The following PCDH7 variants were observed in gnomAD, a reference collection of about 807,000 sequenced individuals.
The protein encoded by PCDH7 is protocadherin 7.
PCDH7 carries 17 observed loss-of-function variants against 58.9 expected under a neutral mutation model. That is an observed-to-expected ratio of 0.29 (90% CI 0.20 to 0.43). The LOEUF (loss-of-function observed/expected upper bound fraction) is 0.43. Ranked by LOEUF, PCDH7 falls within the 20% of genes least tolerant of loss-of-function variation. The pLI is 1.00. For missense variants in PCDH7, 1,274 were observed against 1,441.0 expected (o/e 0.88, Z 1.88); for synonymous variants, 664 against 616.4 (o/e 1.08, Z -1.14).
chr4:31,108,735 AT>A (rs796357070), intron 3 of PCDH7, among the ~76,000 whole-genome samples: 1,775 of 150,542 alleles, frequency 0.012, 28 homozygotes, highest in African/African-American at 0.036. Flanking sequence ...GGATCAATTC[AT>A]TTTTTTTTTC....
chr4:30,903,342 A>G (rs1740477522), intron 1 of PCDH7, among the ~76,000 whole-genome samples: 2 of 152,152 alleles, frequency 1.3e-5, no homozygotes, highest in Admixed American at 6.6e-5. Context: ...TCAGGATTCA[A>G]TAACTCTCTC....
rs115079477 is a variant in PCDH7, at chr4:30,811,126, G to A, written c.70+86530G>A. Among the ~76,000 whole-genome samples, 498 of 152,250 alleles carry A rather than the reference G, an allele frequency of 3.3e-3. 3 individuals are homozygous for A. Among genetic ancestry groups the A allele is most frequent in the African/African-American group, 0.011 (472 of 41,544 alleles). On this transcript the variant is annotated intron_variant, in intron 1 of 3. Coordinates refer to the PCDH7 transcript ENST00000509759. ...TGAGGCTCAGACAACTGGATAACCT[G>A]AATGACAGCCAGAAGCTTCAAACAT... is the stretch of plus-strand genomic sequence containing the variant.
intron 3 of PCDH7, among the ~76,000 whole-genome samples, chr4:31,041,130 T>C (rs1181609254): frequency 6.6e-6 from 1 of 152,204 alleles, no homozygotes; most frequent in South Asian, 2.1e-4. Context: ...TTTAGTTTTA[T>C]GCTTGCTTAT....
At chr4:30,912,183 G>T (rs1741864595) in intron 1 of PCDH7, among the ~76,000 whole-genome samples, 1 of 152,150 alleles carries the variant, frequency 6.6e-6, no homozygotes, top group Non-Finnish European at 1.5e-5. Flanking sequence ...ATCTTGAAAT[G>T]TTAGCAAAAG....
intron 2 of PCDH7, among the ~76,000 whole-genome samples, chr4:30,946,727 T>TGTGTGTGTGTGTGTGA (rs1048658000): frequency 1.3e-5 from 2 of 149,986 alleles, no homozygotes; most frequent in African/African-American, 5.0e-5. Context: ...TGTGTGTGTG[T>TGTGTGTGTGTGTGTGA]GACAGAGTCC....
rs147993845 is a variant in PCDH7 at position 30,753,100 on chromosome 4, G to A, written c.70+28504G>A. 4.6e-3 allele frequency among the ~76,000 whole-genome samples: 707 copies of A among 152,200 alleles called. 6 individuals carry two copies. The highest frequency in any genetic ancestry group is 0.016 in the African/African-American group (669 of 41,528). On this transcript the variant is annotated intron_variant, in intron 1 of 3. Coordinates refer to the PCDH7 transcript ENST00000509759. ...TGAAAGAGTTCTCAGTGGCTGGTAT[G>A]GGAGATAAAATACCATAAATGTCAG...
At chr4:31,006,417 A>T (rs1752771206) in intron 3 of PCDH7, among the ~76,000 whole-genome samples, 1 of 152,226 alleles carries the variant, frequency 6.6e-6, no homozygotes, top group Non-Finnish European at 1.5e-5. Context: ...AAAGGATGCT[A>T]TTTCAATTGC....
intron 1 of PCDH7, among the ~76,000 whole-genome samples, chr4:30,759,459 C>A (rs928029491): frequency 6.6e-6 from 1 of 151,974 alleles, no homozygotes; most frequent in East Asian, 1.9e-4. Context: ...CTTTGAAAGA[C>A]GAAGAAACTC....
rs181463355 is a variant in PCDH7, at chr4:30,971,466, T to C, written c.*7+21251T>C. 7.7e-4 allele frequency among the ~76,000 whole-genome samples: 117 copies of C among 152,302 alleles called. 1 individual carries two copies. Among genetic ancestry groups the C allele is most frequent in the Non-Finnish European group, 1.2e-3 (79 of 68,024 alleles). On this transcript the variant is annotated intron_variant, in intron 3 of 3. Transcript: ENST00000509759. ...TGCTGGCTCAATAATTCTGGCTTTATTGGTAACTAGCATAAATTTGATCTG... is the reference window on the plus strand; with the variant it reads ...TGCTGGCTCAATAATTCTGGCTTTACTGGTAACTAGCATAAATTTGATCTG...
At chr4:30,975,784 T>C (rs571379025) in intron 3 of PCDH7, among the ~76,000 whole-genome samples, 9 of 152,312 alleles carry the variant, frequency 5.9e-5, no homozygotes, top group Non-Finnish European at 1.0e-4. Context: ...TCTCTATGAA[T>C]GTTTAAAGCT....
chr4:30,833,441 G>A (rs756702484), intron 1 of PCDH7, among the ~76,000 whole-genome samples: 8 of 152,052 alleles, frequency 5.3e-5, no homozygotes, highest in Non-Finnish European at 7.4e-5. Context: ...TGACTCTTCC[G>A]CCTTCTGCTT....
At chr4:31,000,409 A>G (rs1239184181) in intron 3 of PCDH7, among the ~76,000 whole-genome samples, 1 of 152,156 alleles carries the variant, frequency 6.6e-6, no homozygotes, top group Non-Finnish European at 1.5e-5. Flanking sequence ...TACAAGGTAT[A>G]TCTTAAACAC....
intron 1 of PCDH7, among the ~76,000 whole-genome samples, chr4:30,834,921 G>GTA (rs1560418675): frequency 6.7e-6 from 1 of 148,870 alleles, no homozygotes; most frequent in South Asian, 2.1e-4. Flanking sequence ...ATATATATGT[G>GTA]TATATATATA....
chr4:30,981,367 G>T (rs1174713209), intron 3 of PCDH7, among the ~76,000 whole-genome samples: 4 of 152,120 alleles, frequency 2.6e-5, no homozygotes, highest in Non-Finnish European at 4.4e-5. Flanking sequence ...GTAGATTATT[G>T]TTGGGAACCA....
intron 3 of PCDH7, among the ~76,000 whole-genome samples, chr4:31,013,676 A>G (rs191945750): frequency 2.9e-3 from 445 of 151,984 alleles, no homozygotes; most frequent in Non-Finnish European, 4.8e-3. Flanking sequence ...GTGCATAAAG[A>G]GCTATTTTGA....
In PCDH7 at chr4:30,722,351, A is replaced by C; in HGVS notation, c.929A>C (p.Lys310Thr). Residue 310 changes from lysine to threonine, a missense_variant, in exon 1 of 2, where the codon AAG becomes ACG. Physicochemically the swap from Lys to Thr is moderately conservative, Grantham distance 78 (BLOSUM62 -1). Coordinates refer to ENST00000361762, the Ensembl canonical transcript of PCDH7. This position sits in a 1 kb window ranked among gnomAD's most constrained non-coding sequence, Gnocchi z 7.6. ...AACGACAACAGCCCCCGCTTCGAGA[A>C]GAGCGTGTACGAGGCCGACTTGGCT... 6.2e-7 allele frequency: 1 copy of C among 1,612,258 alleles called. No homozygotes were observed. The highest frequency in any genetic ancestry group is 8.5e-7 in the Non-Finnish European group (1 of 1,179,794).
intron 1 of PCDH7, among the ~76,000 whole-genome samples, chr4:30,742,217 A>C (rs193217612): frequency 6.6e-6 from 1 of 152,328 alleles, no homozygotes; most frequent in African/African-American, 2.4e-5. Context: ...TCAGAGCACA[A>C]GTCAGGGCTT....
At chr4:30,805,736 G>A (rs557891630) in intron 1 of PCDH7, among the ~76,000 whole-genome samples, 1 of 152,124 alleles carries the variant, frequency 6.6e-6, no homozygotes, top group South Asian at 2.1e-4. Context: ...CAGTCATTAC[G>A]TTATTTTTAC....
chr4:30,772,368 A>G (rs138035736), intron 1 of PCDH7, among the ~76,000 whole-genome samples: 2 of 152,238 alleles, frequency 1.3e-5, no homozygotes, highest in African/African-American at 4.8e-5. Flanking sequence ...TGGAAATTCA[A>G]GGCCATCATG....
Sources: gnomAD v4.1 joint callset for allele counts (sites outside exome capture counted in the v4.1 genomes callset) on GRCh38, gnomAD v4.1.1 for gene constraint, Gnocchi (gnomAD v3.1) non-coding constraint, MANE v1.5 for transcripts, NCBI Gene and HGNC (gene_info 2026-07-23, HGNC 2026-07-21) for gene names.